SCTR: variants seen among roughly 807,000 people sequenced by gnomAD.
SCTR encodes secretin receptor.
SCTR carries 56 observed loss-of-function variants against 60.8 expected under a neutral mutation model. That is an observed-to-expected ratio of 0.92 (90% CI 0.74 to 1.15). The LOEUF (loss-of-function observed/expected upper bound fraction) is 1.15, where lower values mean the gene tolerates loss of function less well. SCTR is among the 50% of genes most tolerant of loss of function. SCTR has a pLI of 0.00. For synonymous variants in SCTR, 202 were observed against 217.0 expected, an observed-to-expected ratio of 0.93 and a Z score of 0.61; for missense variants, 562 against 550.4, an observed-to-expected ratio of 1.02 and a Z score of -0.21.
chr2:119,441,515 C>G, intron 12 of SCTR, 43 bp downstream of exon 12: 4 of 1,541,890 alleles, frequency 2.6e-6, no homozygotes, highest in Non-Finnish European at 3.6e-6. Flanking sequence ...AAACCAATGG[C>G]TAGGAGCTCT....
In SCTR at chr2:119,466,764, T is replaced by TATACATAC. The variant is rs3052360; in HGVS notation, c.406-886_406-879dup. On this transcript the variant is annotated intron_variant, in intron 4 of 12. Coordinates refer to ENST00000019103, the MANE Select transcript of SCTR (RefSeq NM_002980.3). ...AGACCCTGTCTCAAATAAATAAATA[T>TATACATAC]ATACATACATACATACATACATACA... Among the ~76,000 whole-genome samples the TATACATAC allele has an allele frequency of 5.4e-3, 823 of 151,200 alleles. 7 individuals are homozygous for TATACATAC. The highest frequency in any genetic ancestry group is 0.018 in the African/African-American group (748 of 41,084).
Position 119,462,024 on chromosome 2 carries a change from C to T in SCTR, c.637-24G>A, listed in dbSNP as rs1268068606. 4 of 1,581,558 alleles carry T rather than the reference C, an allele frequency of 2.5e-6. No individual in the cohort carries two copies. The African/African-American group carries it at 5.4e-5, about 21-fold the overall frequency. ...GCCTGGAGAGAGAGAGGCAGCTGAA[C>T]CCAGGCCGGGTGGCAGTGGGGTTCC... On this transcript the variant is annotated intron_variant, in intron 6 of 12. Coordinates refer to ENST00000019103, the MANE Select transcript of SCTR (RefSeq NM_002980.3).
At position 119,483,498 on chromosome 2, in the gene SCTR, C is replaced by G. The variant is rs568718176; in HGVS notation, c.194-4580G>C. Among the ~76,000 whole-genome samples the G allele has an allele frequency of 2.6e-5, 4 of 152,234 alleles. No homozygotes were observed. The East Asian group carries it at 7.7e-4, about 29-fold the overall frequency. ...GATCGTTTCCTGAACACGAGTGACA[C>G]TGCCTTGTTCTCTCCCAGCCCTGGC... On this transcript the variant is annotated intron_variant, in intron 2 of 12. Transcript: ENST00000019103.
At chr2:119,519,150 G>A (rs1033227051) in intron 1 of SCTR, among the ~76,000 whole-genome samples, 3 of 152,102 alleles carry the variant, frequency 2.0e-5, no homozygotes, top group Non-Finnish European at 4.4e-5. Flanking sequence ...TTTTAGTAAA[G>A]ACAGGGTTTC....
In SCTR at chr2:119,495,201, A is replaced by G. The variant is rs143451414; in HGVS notation, c.73-653T>C. On this transcript the variant is annotated intron_variant, in intron 1 of 12. Coordinates refer to ENST00000019103, the MANE Select transcript of SCTR (RefSeq NM_002980.3). ...AGAAGGGGGTCTCTCTATGTTGCCC[A>G]GACTGGTATCAAACTCCTGGGATTA... Among the ~76,000 whole-genome samples the G allele has an allele frequency of 3.3e-5, 5 of 152,352 alleles. No individual in the cohort carries two copies. In the East Asian group the frequency reaches 9.6e-4, roughly 29 times the overall value.
At chr2:119,447,934 A>G (rs1181527790) in intron 10 of SCTR, among the ~76,000 whole-genome samples, 1 of 152,174 alleles carries the variant, frequency 6.6e-6, no homozygotes, top group Admixed American at 6.5e-5. Context: ...CCAAATTTTT[A>G]CACTGAAGTC....
At chr2:119,442,386 C>T (rs1042613443) in intron 11 of SCTR, among the ~76,000 whole-genome samples, 2 of 152,202 alleles carry the variant, frequency 1.3e-5, no homozygotes, top group African/African-American at 4.8e-5. Flanking sequence ...TTCTCAGGGA[C>T]CCACCTCAGG....
Position 119,515,230 on chromosome 2 carries a change from T to C in SCTR, c.72+8925A>G, listed in dbSNP as rs115434901. ...GCCAGAGGGCCCAATGTAAGTGCTG[T>C]GAGGAATTTTAAATGGGAGTGGCAT... On this transcript the variant is annotated intron_variant, in intron 1 of 12. Transcript: ENST00000019103. Among the ~76,000 whole-genome samples the C allele has an allele frequency of 8.3e-3, 1,267 of 152,222 alleles. 10 individuals carry two copies. Among genetic ancestry groups the C allele is most frequent in the African/African-American group, 0.029 (1,190 of 41,520 alleles).
intron 11 of SCTR, among the ~76,000 whole-genome samples, chr2:119,442,316 G>C (rs1454692355): frequency 6.6e-6 from 1 of 152,216 alleles, no homozygotes; most frequent in Non-Finnish European, 1.5e-5. Context: ...TGGAGCCTAA[G>C]AGGCCTCCAG....
chr2:119,521,154 C>G (rs1411506386), intron 1 of SCTR, among the ~76,000 whole-genome samples: 1 of 152,204 alleles, frequency 6.6e-6, no homozygotes, highest in African/African-American at 2.4e-5. Context: ...CCACACACCT[C>G]ACTTAACTCA....
At chr2:119,488,076 C>A (rs1267163549) in intron 2 of SCTR, among the ~76,000 whole-genome samples, 1 of 152,266 alleles carries the variant, frequency 6.6e-6, no homozygotes, top group African/African-American at 2.4e-5. Flanking sequence ...TTCTGACCCC[C>A]TCAGTGGGGC....
chr2:119,489,815 G>A (rs913756907), intron 2 of SCTR, among the ~76,000 whole-genome samples: 2 of 152,186 alleles, frequency 1.3e-5, no homozygotes, highest in Non-Finnish European at 2.9e-5. Context: ...GTGGACAGGG[G>A]CCAAGTCAGG....
In SCTR at chr2:119,465,829, C is replaced by T; in HGVS notation, c.463G>A (p.Val155Ile). Residue 155 changes from valine to isoleucine, a missense_variant, in exon 5 of 13, where the codon GTC becomes ATC. Transcript: ENST00000019103. ...MYTVGYSSSL[V>I]MLLVALGILC... ...ATGCCAAGGGCGACCAGGAGCATGA[C>T]CAGGGAGGAGCTGTAGCCCACGGTG... 1 of 1,613,996 alleles carries T rather than the reference C, an allele frequency of 6.2e-7. No individual in the cohort carries two copies. The highest frequency in any genetic ancestry group is 1.1e-5 in the South Asian group (1 of 91,078).
chr2:119,442,807 C>G (rs1682705399), intron 11 of SCTR, among the ~76,000 whole-genome samples: 1 of 152,130 alleles, frequency 6.6e-6, no homozygotes, highest in Non-Finnish European at 1.5e-5. Flanking sequence ...GATCCCCACA[C>G]AGTTCCAAAA....
chr2:119,520,191 C>G (rs1047994037), intron 1 of SCTR, among the ~76,000 whole-genome samples: 1 of 152,192 alleles, frequency 6.6e-6, no homozygotes, highest in Non-Finnish European at 1.5e-5. Context: ...GTGACCCTCT[C>G]TGAAAAGTCA....
chr2:119,478,746 C>A, intron 3 of SCTR, 65 bp downstream of exon 3: 1 of 1,512,304 alleles, frequency 6.6e-7, no homozygotes, highest in Admixed American at 1.7e-5. Flanking sequence ...TGCCTCTAAG[C>A]TGAGGCCCCA....
chr2:119,441,309 C>T (rs147019544), intron 12 of SCTR, among the ~76,000 whole-genome samples: 2 of 152,350 alleles, frequency 1.3e-5, no homozygotes, highest in Non-Finnish European at 2.9e-5. Context: ...CCAGTCCAGA[C>T]CTACAGAATT....
intron 3 of SCTR, among the ~76,000 whole-genome samples, chr2:119,476,007 G>A (rs2104839559): frequency 6.6e-6 from 1 of 152,208 alleles, no homozygotes; most frequent in East Asian, 1.9e-4. Flanking sequence ...AGAAACATCT[G>A]GGGGCAGAAT....
At chr2:119,516,331 A>C (rs759611516) in intron 1 of SCTR, among the ~76,000 whole-genome samples, 1 of 152,194 alleles carries the variant, frequency 6.6e-6, no homozygotes, top group Non-Finnish European at 1.5e-5. Flanking sequence ...GTCTCTCAAC[A>C]GATGAATGGA....
Sources: allele counts gnomAD v4.1 joint callset (sites outside exome capture counted in the v4.1 genomes callset), GRCh38; gene constraint gnomAD v4.1.1; transcripts MANE v1.5; gene names NCBI Gene and HGNC (gene_info 2026-07-23, HGNC 2026-07-21).